The following RBFOX3 variants were observed in gnomAD, a reference collection of about 807,000 sequenced individuals.
RBFOX3 encodes RNA binding protein fox-1 homolog 3.
Under a neutral mutation model 48.7 loss-of-function variants are expected in RBFOX3, and 17 were observed. That is an observed-to-expected ratio of 0.35 (90% confidence interval 0.24 to 0.52). RBFOX3 has a LOEUF of 0.52. Ranked by LOEUF, RBFOX3 falls within the 20% of genes least tolerant of loss-of-function variation. The pLI, the probability that RBFOX3 is intolerant of heterozygous loss-of-function variation, is 0.94. For missense variants in RBFOX3, 382 were observed against 497.5 expected, an observed-to-expected ratio of 0.77 and a Z score of 2.21; for synonymous variants, 212 against 209.5, an observed-to-expected ratio of 1.01 and a Z score of -0.10.
chr17:79,107,207 G>A lies in RBFOX3; in HGVS notation c.223-419C>T, dbSNP rs555829306. Among the ~76,000 whole-genome samples the A allele has an allele frequency of 8.5e-5, 13 of 152,326 alleles. No individual in the cohort carries two copies. In the South Asian group the frequency reaches 2.7e-3, roughly 32 times the overall value. On this transcript the variant is annotated intron_variant, in intron 5 of 14. Transcript: ENST00000693108. ...TCTTTCAAGTCCTGATGATGAAGTG[G>A]TGAACTGCAGACAGATGTCGGCCTG...
chr17:79,144,823 C>CA (rs1165541129), intron 4 of RBFOX3, among the ~76,000 whole-genome samples: 1 of 151,796 alleles, frequency 6.6e-6, no homozygotes, highest in African/African-American at 2.4e-5. Flanking sequence ...GTAGATGTGT[C>CA]AGAGCTGAGG....
chr17:79,599,483 G>A (rs1434706629), intron 1 of RBFOX3: 1 of 152,260 alleles, frequency 6.6e-6, no homozygotes, highest in Non-Finnish European at 1.5e-5. Context: ...GCTGCTATTC[G>A]TGCCGTGACC....
At chr17:79,425,402 T>C (rs2148811376) in intron 2 of RBFOX3, among the ~76,000 whole-genome samples, 1 of 151,390 alleles carries the variant, frequency 6.6e-6, no homozygotes, top group Admixed American at 6.6e-5. Flanking sequence ...AAGCAGGGAG[T>C]CAACCCCCTG....
chr17:79,145,436 G>GC (rs2042830668), intron 4 of RBFOX3, among the ~76,000 whole-genome samples: 1 of 152,230 alleles, frequency 6.6e-6, no homozygotes, highest in South Asian at 2.1e-4. Flanking sequence ...CTGGCCTGGG[G>GC]CGAAGTCTGG....
At chr17:79,393,114 A>C (rs548383935) in intron 2 of RBFOX3, among the ~76,000 whole-genome samples, 60 of 152,350 alleles carry the variant, frequency 3.9e-4, no homozygotes, top group Non-Finnish European at 2.9e-5. Flanking sequence ...TAAAATATAC[A>C]CAATGAACTG....
At chr17:79,546,141 C>G (rs1555791814) in intron 1 of RBFOX3, among the ~76,000 whole-genome samples, 1 of 152,186 alleles carries the variant, frequency 6.6e-6, no homozygotes, top group Non-Finnish European at 1.5e-5. Flanking sequence ...GTCTGGACCC[C>G]AGTAGTTTTC....
At chr17:79,201,138 C>G (rs926362923) in intron 4 of RBFOX3, among the ~76,000 whole-genome samples, 6 of 151,608 alleles carry the variant, frequency 4.0e-5, no homozygotes, top group African/African-American at 1.5e-4. Flanking sequence ...ATCAGATCAT[C>G]CGGATCCGAT....
chr17:79,638,993 AAAG>A, the RBFOX3 span, among the ~76,000 whole-genome samples: 1 of 152,190 alleles, frequency 6.6e-6, no homozygotes, highest in African/African-American at 2.4e-5. Context: ...GAAAAATATC[AAAG>A]AAGGAGACTG....
chr17:79,419,497 A>C (rs2065899595), intron 2 of RBFOX3, among the ~76,000 whole-genome samples: 1 of 152,362 alleles, frequency 6.6e-6, no homozygotes. Flanking sequence ...GCCTGTGTGC[A>C]TGTACACACA....
At chr17:79,183,747 G>T (rs565300353) in intron 4 of RBFOX3, among the ~76,000 whole-genome samples, 1 of 152,314 alleles carries the variant, frequency 6.6e-6, no homozygotes, top group East Asian at 1.9e-4. Context: ...CGGTGGGAGG[G>T]GGAGTCCCTG....
chr17:79,651,856 C>A, the RBFOX3 span, among the ~76,000 whole-genome samples: 1 of 132,292 alleles, frequency 7.6e-6, no homozygotes, highest in Non-Finnish European at 1.6e-5. Flanking sequence ...TCTTTCCCCC[C>A]CTCCACCACC....
chr17:79,165,992 T>A (rs1442170269), intron 4 of RBFOX3, among the ~76,000 whole-genome samples: 1 of 152,208 alleles, frequency 6.6e-6, no homozygotes, highest in Admixed American at 6.5e-5. Context: ...GGGAGGGATG[T>A]GTCCACAGGC....
At chr17:79,176,288 T>C (rs1160027728) in intron 4 of RBFOX3, among the ~76,000 whole-genome samples, 1 of 152,188 alleles carries the variant, frequency 6.6e-6, no homozygotes, top group East Asian at 1.9e-4. Flanking sequence ...CTTGCTCCAT[T>C]GCCCTTCTGT....
chr17:79,237,880 G>A (rs181483951), intron 3 of RBFOX3, among the ~76,000 whole-genome samples: 4 of 152,338 alleles, frequency 2.6e-5, no homozygotes, highest in African/African-American at 7.2e-5. Flanking sequence ...GAGTCACTTC[G>A]AAAGGAAATG....
At chr17:79,585,503 G>A (rs1445372981) in intron 1 of RBFOX3, among the ~76,000 whole-genome samples, 1 of 152,148 alleles carries the variant, frequency 6.6e-6, no homozygotes, top group Admixed American at 6.5e-5. Context: ...GTTGCAGTGA[G>A]CCGAGTTCAC....
intron 4 of RBFOX3, among the ~76,000 whole-genome samples, chr17:79,172,484 C>T (rs752869740): frequency 2.0e-5 from 3 of 152,196 alleles, no homozygotes; most frequent in Non-Finnish European, 4.4e-5. Flanking sequence ...CTGTCCACGT[C>T]CCCCTGGTGC....
intron 4 of RBFOX3, among the ~76,000 whole-genome samples, chr17:79,213,769 A>G (rs2058672516): frequency 6.6e-6 from 1 of 152,152 alleles, no homozygotes; most frequent in Non-Finnish European, 1.5e-5. Context: ...TTGGACTCCC[A>G]CCAGATATAA....
the RBFOX3 span, among the ~76,000 whole-genome samples, chr17:79,649,261 T>C: frequency 6.6e-6 from 1 of 152,214 alleles, no homozygotes; most frequent in South Asian, 2.1e-4. Context: ...ATTACAGGTG[T>C]GAGCCACCAT....
chr17:79,446,462 T>G (rs1359177480), intron 2 of RBFOX3, among the ~76,000 whole-genome samples: 2 of 151,972 alleles, frequency 1.3e-5, no homozygotes, highest in African/African-American at 4.8e-5. Context: ...ACTCCAGAGG[T>G]GAGGCTCAGA....
Sources: gnomAD v4.1 joint callset for allele counts (sites outside exome capture counted in the v4.1 genomes callset) on GRCh38, gnomAD v4.1.1 for gene constraint, MANE v1.5 for transcripts, NCBI Gene and HGNC (gene_info 2026-07-23, HGNC 2026-07-21) for gene names.